The following HECTD3 variants were observed in gnomAD, a reference collection of about 807,000 sequenced individuals.
HECTD3 encodes the protein E3 ubiquitin-protein ligase HECTD3.
HECTD3 carries 72 observed loss-of-function variants against 109.3 expected under a neutral mutation model. The ratio of observed to expected loss-of-function variants is 0.66; its 90% CI spans 0.54 to 0.80. The LOEUF (loss-of-function observed/expected upper bound fraction) is 0.80, where lower values mean the gene tolerates loss of function less well. Ranked by LOEUF, HECTD3 falls within the 30% of genes least tolerant of loss-of-function variation. The pLI, the probability that HECTD3 is intolerant of heterozygous loss-of-function variation, is 0.00. For synonymous variants in HECTD3, 481 were observed against 471.8 expected, an observed-to-expected ratio of 1.02 and a Z score of -0.25; for missense variants, 1,041 against 1,165.2, an observed-to-expected ratio of 0.89 and a Z score of 1.55.
chr1:45,011,077 C>T lies in HECTD3; in HGVS notation c.181G>A (p.Val61Met). The change falls in exon 1 of 21, where the codon GTG (valine) becomes ATG (methionine). Residue 61 changes from valine to methionine, a missense_variant. Coordinates refer to ENST00000372172, the MANE Select transcript of HECTD3 (RefSeq NM_024602.6). ...TCTGCCTCCCACACCGGCAGAAGCA[C>T]GCGCGACGGTCCCGCTGGGTCCTTG... is the stretch of plus-strand genomic sequence containing the variant. ...LYKDPAGPSR[V>M]LLPVWEAEGL... is the part of the protein sequence containing the mutation. 1 of 1,460,378 alleles carries T rather than the reference C, an allele frequency of 6.8e-7. No individual in the cohort carries two copies. The highest frequency in any genetic ancestry group is 9.0e-7 in the Non-Finnish European group (1 of 1,109,270). The allele number at this position is 1,460,378 out of a possible 1,614,324, so 90.5% of individuals were successfully genotyped here.
At position 45,009,216 on chromosome 1, in the gene HECTD3, C is replaced by T. The variant is rs1644762191; in HGVS notation, c.1000G>A (p.Gly334Arg). ...SDVSIDETLIGDVCVLEDMTV... is the reference protein window; with the variant it reads ...SDVSIDETLIRDVCVLEDMTV... ...ATGTCCTCCAGGACACAGACATCCC[C>T]GATGAGGGTCCTGAGGAGATGAGTG... The change falls in exon 7 of 21, where the codon GGG becomes AGG. Residue 334 changes from glycine to arginine, a missense_variant. By Grantham distance (125) the Gly-to-Arg change is moderately radical. Coordinates refer to ENST00000372172, the MANE Select transcript of HECTD3 (RefSeq NM_024602.6). 3.1e-6 allele frequency: 5 copies of T among 1,613,674 alleles called. No individual in the cohort carries two copies. The highest frequency in any genetic ancestry group is 1.3e-5 in the African/African-American group (1 of 75,030).
rs979346581 is a variant in HECTD3 at position 45,005,676 on chromosome 1, G to A, written c.1935+118C>T. ...ACAGACAGTAGTTGAAGCCATGGGAGTGGATGGATTGGAGAGGGATCTTGT... is the reference window on the plus strand; with the variant it reads ...ACAGACAGTAGTTGAAGCCATGGGAATGGATGGATTGGAGAGGGATCTTGT... On this transcript the variant is annotated intron_variant, in intron 15 of 20. Transcript: ENST00000372172. 21 of 779,608 alleles carry A rather than the reference G, an allele frequency of 2.7e-5. No homozygotes were observed. In the African/African-American group the frequency reaches 3.7e-4, roughly 14 times the overall value. 48.3% of individuals were successfully genotyped at this position (779,608 alleles called of 1,614,324 possible). A position where few individuals can be genotyped will look rare whatever the true frequency, so the allele number is the denominator to read the frequency against.
rs1453353672 is a variant in HECTD3, at chr1:45,003,777, G to A, written c.2430-37C>T. On this transcript the variant is annotated intron_variant, in intron 19 of 20. Transcript: ENST00000372172. This position sits in a 1 kb window ranked among gnomAD's most constrained non-coding sequence, Gnocchi z 4.7. ...GAGGGACCATAGGTCAGGAAGATGT[G>A]TTGGGGCACATGTACGTGTGTGGGG... 6.2e-7 allele frequency: 1 copy of A among 1,613,158 alleles called. No individual in the cohort carries two copies. The highest frequency in any genetic ancestry group is 1.7e-5 in the Admixed American group (1 of 60,000).
rs564196292 is a variant in HECTD3, at chr1:45,003,725, G to C, written c.2445C>G (p.Asp815Glu). Reference protein sequence around the residue: ...YPDKLGYETTDALPESSTCSS... With the variant: ...YPDKLGYETTEALPESSTCSS... ...AGCAAGTGGAAGACTCGGGCAGCGC[G>C]TCTGTGGTCTCGTAGCTGGGGGCAT... Residue 815 changes from aspartate to glutamate, a missense_variant, in exon 20 of 21, where the codon GAC becomes GAG. By Grantham distance (45) the Asp-to-Glu change is conservative. Coordinates refer to ENST00000372172, the MANE Select transcript of HECTD3 (RefSeq NM_024602.6). This position sits in a 1 kb window ranked among gnomAD's most constrained non-coding sequence, Gnocchi z 4.7. 8 of 1,614,070 alleles carry C rather than the reference G, an allele frequency of 5.0e-6. No individual in the cohort carries two copies. Among genetic ancestry groups the C allele is most frequent in the Non-Finnish European group, 6.8e-6 (8 of 1,180,000 alleles).
Position 45,010,293 on chromosome 1 carries a change from C to G in HECTD3, c.531G>C (p.Arg177Ser), listed in dbSNP as rs368026602. ...ATGTCAGGTCCACCACCTGTTCCCACCTGTGGGCACAGAGTAGGGAGTGGG... is the reference window on the plus strand; with the variant it reads ...ATGTCAGGTCCACCACCTGTTCCCAGCTGTGGGCACAGAGTAGGGAGTGGG... ...LFGVDYRPVL[R>S]WEQVVDLTYS... The change falls in exon 3 of 21, where the codon AGG becomes AGC. Residue 177 changes from arginine (R) to serine (S), a missense_variant and splice_region_variant. Physicochemically the swap from Arg to Ser is moderately radical, Grantham distance 110 (BLOSUM62 -1). Transcript: ENST00000372172. 3.7e-6 allele frequency: 6 copies of G among 1,613,916 alleles called. No individual in the cohort carries two copies. In the East Asian group the frequency reaches 8.9e-5, roughly 24 times the overall value.
At chr1:45,005,736 G>T in intron 15 of HECTD3, 58 bp downstream of exon 15, 1 of 1,417,904 alleles carries the variant, frequency 7.1e-7, no homozygotes, top group Non-Finnish European at 9.6e-7. Flanking sequence ...AACAGCCTTA[G>T]GGAGGACCAA....
At chr1:45,008,791 TTG>T in intron 7 of HECTD3, 90 bp from the exon 8 acceptor site, 2 of 1,279,306 alleles carry the variant, frequency 1.6e-6, no homozygotes, top group Admixed American at 3.5e-5. Context: ...ACGCTCAGCC[TTG>T]TGTCACCGTT....
intron 9 of HECTD3, among the ~76,000 whole-genome samples, chr1:45,007,867 C>T (rs574387586): frequency 6.6e-6 from 1 of 152,044 alleles, no homozygotes; most frequent in Non-Finnish European, 1.5e-5. Flanking sequence ...CCACAGGGCC[C>T]TCTGCAACCA....
intron 2 of HECTD3, 40 bp from the exon 3 acceptor site, chr1:45,010,333 G>A (rs767282913): frequency 1.9e-6 from 3 of 1,586,222 alleles, no homozygotes; most frequent in Non-Finnish European, 2.6e-6. Flanking sequence ...GGAGACATCA[G>A]CGGTCAGCAA....
chr1:45,010,275 G>A lies in HECTD3; in HGVS notation c.549C>T (p.Asp183=), dbSNP rs1406073490. The change falls in exon 3 of 21, where the codon GAC becomes GAT. Residue 183 remains aspartate (D), a synonymous_variant. Transcript: ENST00000372172. ...ATCCCAGGCGATGTGAGTATGTCAG[G>A]TCCACCACCTGTTCCCACCTGTGGG... ...RPVLRWEQVV[D]LTYSHRLGSR... is the part of the protein sequence containing the mutation. 3 of 1,613,950 alleles carry A rather than the reference G, an allele frequency of 1.9e-6. No homozygotes were observed. Among genetic ancestry groups the A allele is most frequent in the South Asian group, 2.2e-5 (2 of 91,082 alleles).
At chr1:45,008,510 GC>G (rs1557729347) in intron 8 of HECTD3, 25 bp downstream of exon 8, 1 of 1,607,666 alleles carries the variant, frequency 6.2e-7, no homozygotes, top group East Asian at 2.2e-5. Flanking sequence ...GAAGGGAAGG[GC>G]CCATAGGTCC....
In HECTD3 at chr1:45,004,390, TA is replaced by T; in HGVS notation, c.2143-14del. 6.2e-7 allele frequency: 1 copy of T among 1,613,856 alleles called. No homozygotes were observed. On this transcript the variant is annotated splice_polypyrimidine_tract_variant and intron_variant, in intron 16 of 20. Transcript: ENST00000372172. ...GCATAGCTGCCACCTGGGGAGTGGG[TA>T]AAAAGGCTTGGCTGGGGAAGAGGGC...
Position 45,009,361 on chromosome 1 carries a change from G to A in HECTD3, c.989+8C>T, listed in dbSNP as rs760457194. 14 of 1,600,900 alleles carry A rather than the reference G, an allele frequency of 8.7e-6. No individual in the cohort carries two copies. The highest frequency in any genetic ancestry group is 3.3e-5 in the South Asian group (3 of 90,672). ...GCCCTACTTCCCTCCCCAGGCCAGC[G>A]TGCTCACTCGTCAATGCTCACGTCA... On this transcript the variant is annotated splice_region_variant and intron_variant, in intron 6 of 20. Coordinates refer to ENST00000372172, the MANE Select transcript of HECTD3 (RefSeq NM_024602.6).
Position 45,010,187 on chromosome 1 carries a change from T to C in HECTD3, c.623+14A>G. The C allele has an allele frequency of 6.2e-7, 1 of 1,613,876 alleles. No homozygotes were observed. Among genetic ancestry groups the C allele is most frequent in the Non-Finnish European group, 8.5e-7 (1 of 1,179,966 alleles). On this transcript the variant is annotated intron_variant, in intron 3 of 20. Coordinates refer to ENST00000372172, the MANE Select transcript of HECTD3 (RefSeq NM_024602.6). Reference sequence around the variant, plus strand: ...CAGAGCTCCTTCCTCCCCACCCCATTCCAGCTCACTCACAGTAGCCTTTGT... The same window carrying C: ...CAGAGCTCCTTCCTCCCCACCCCATCCCAGCTCACTCACAGTAGCCTTTGT...
intron 8 of HECTD3, 54 bp from the exon 9 acceptor site, chr1:45,008,375 C>T: frequency 1.3e-6 from 2 of 1,519,204 alleles, no homozygotes; most frequent in Non-Finnish European, 1.8e-6. Context: ...TGTAACACCC[C>T]CAACTCCCCA....
At chr1:45,009,772 C>G (rs1038720014) in intron 4 of HECTD3, 89 bp from the exon 5 acceptor site, 16 of 1,199,488 alleles carry the variant, frequency 1.3e-5, no homozygotes, top group South Asian at 2.7e-5. Context: ...AGAGAGAAAG[C>G]ATAGTGAAGT....
chr1:45,010,067 C>T lies in HECTD3; in HGVS notation c.678G>A (p.Leu226=), dbSNP rs914303543. The T allele has an allele frequency of 6.3e-7, 1 of 1,578,254 alleles. No individual in the cohort carries two copies. The highest frequency in any genetic ancestry group is 1.7e-5 in the Admixed American group (1 of 58,412). ...CATCCTCCTTGCCCAGGTGGTCATA[C>T]AAGAAGTGGATCAGGTCCTCGTCGC... is the stretch of plus-strand genomic sequence containing the variant. The part of the protein sequence containing the change: ...YECDEDLIHF[L]YDHLGKEDEN... The change falls in exon 4 of 21, where the codon TTG becomes TTA. Residue 226 remains leucine, a synonymous_variant. Coordinates refer to ENST00000372172, the MANE Select transcript of HECTD3 (RefSeq NM_024602.6).
In HECTD3 at chr1:45,009,424, C is replaced by T. The variant is rs1482957503; in HGVS notation, c.934G>A (p.Val312Ile). ...AGGTTGTCCCCTTCACCCCCATAGA[C>T]CACCACCCGCTTTGGCATAAAGTTG... ...DDNFMPKRVV[V>I]YGGEGDNLKK... The change falls in exon 6 of 21, where the codon GTC becomes ATC. Residue 312 changes from valine (V) to isoleucine (I), a missense_variant. Val to Ile is a conservative substitution (Grantham distance 29). Coordinates refer to ENST00000372172, the MANE Select transcript of HECTD3 (RefSeq NM_024602.6). The T allele has an allele frequency of 9.3e-6, 15 of 1,614,056 alleles. No homozygotes were observed. Among genetic ancestry groups the T allele is most frequent in the Non-Finnish European group, 1.1e-5 (13 of 1,180,026 alleles).
chr1:45,008,217 C>T (rs1448738228), intron 9 of HECTD3, 23 bp downstream of exon 9: 6 of 1,592,424 alleles, frequency 3.8e-6, no homozygotes, highest in Non-Finnish European at 5.2e-6. Context: ...ATGCCAAGAC[C>T]AGCACTGGCT....
Sources: gnomAD v4.1 joint callset for allele counts (sites outside exome capture counted in the v4.1 genomes callset) on GRCh38, gnomAD v4.1.1 for gene constraint, Gnocchi (gnomAD v3.1) non-coding constraint, MANE v1.5 for transcripts, NCBI Gene and HGNC (gene_info 2026-07-23, HGNC 2026-07-21) for gene names.